PAGR1: variants seen among roughly 807,000 people sequenced by gnomAD.
PAGR1 encodes the protein PAXIP1 associated glutamate rich protein 1.
In PAGR1, 20 loss-of-function variants were observed where a neutral mutation model predicts 22.4. The observed-to-expected ratio is 0.89, with a 90% CI of 0.63 to 1.30. The LOEUF (loss-of-function observed/expected upper bound fraction) is 1.30. PAGR1 is among the 50% of genes most tolerant of loss of function. The probability of loss-of-function intolerance (pLI) is 0.00; values close to 1 mark genes in which losing one functional copy is unlikely to be tolerated. For synonymous variants in PAGR1, 161 were observed against 148.3 expected, an observed-to-expected ratio of 1.09 and a Z score of -0.62; for missense variants, 338 against 343.6, an observed-to-expected ratio of 0.98 and a Z score of 0.13.
rs2067358161 is a variant in PAGR1 at position 29,821,345 on chromosome 16, G to A, written c.*1591G>A. ...CACAGAGCACTGGGTCGGCCCTCGG[G>A]TGTGGCTGTTTGGGCAGGACAGCCC... On this transcript the variant is annotated 3_prime_UTR_variant, in exon 3 of 3. Coordinates refer to ENST00000320330, the MANE Select transcript of PAGR1 (RefSeq NM_024516.4). 1 of 152,246 alleles carries A rather than the reference G, an allele frequency of 6.6e-6. No individual in the cohort carries two copies. The highest frequency in any genetic ancestry group is 2.4e-5 in the African/African-American group (1 of 41,434). 9.4% of individuals were successfully genotyped at this position (152,246 alleles called of 1,614,324 possible).
At position 29,817,055 on chromosome 16, in the gene PAGR1, C is replaced by T. The variant is rs1427385947; in HGVS notation, c.482+48C>T. On this transcript the variant is annotated intron_variant, in intron 1 of 2. Transcript: ENST00000320330. ...TGTCCCGGGGCTGCTCCCCTGATGG[C>T]GGGAGGAAATAGGGAGGGGAAAATG... 6 of 1,552,154 alleles carry T rather than the reference C, an allele frequency of 3.9e-6. No homozygotes were observed. The Admixed American group carries it at 1.2e-4, about 30-fold the overall frequency.
chr16:29,817,046 C>T (rs765552694), intron 1 of PAGR1, 39 bp downstream of exon 1: 1 of 1,554,252 alleles, frequency 6.4e-7, no homozygotes, highest in South Asian at 1.2e-5. Context: ...GGGGCTGCTC[C>T]CCTGATGGCG....
rs1900248965 is a variant in PAGR1 at position 29,816,462 on chromosome 16, C to A, written c.-64C>A. On this transcript the variant is annotated 5_prime_UTR_variant, in exon 1 of 3. Coordinates refer to ENST00000320330, the MANE Select transcript of PAGR1 (RefSeq NM_024516.4). ...TCCCGAACCCCCAGGGGAGCCCGATCCCTGGGGGACCCTGGCTTCGGACTC... is the reference window on the plus strand; with the variant it reads ...TCCCGAACCCCCAGGGGAGCCCGATACCTGGGGGACCCTGGCTTCGGACTC... 2 of 1,387,912 alleles carry A rather than the reference C, an allele frequency of 1.4e-6. No homozygotes were observed. Among genetic ancestry groups the A allele is most frequent in the Non-Finnish European group, 1.9e-6 (2 of 1,064,948 alleles). 86.0% of individuals were successfully genotyped at this position (1,387,912 alleles called of 1,614,324 possible). A position where few individuals can be genotyped will look rare whatever the true frequency, so the allele number is the denominator to read the frequency against.
Position 29,816,419 on chromosome 16 carries a change from G to A in PAGR1, c.-107G>A, listed in dbSNP as rs968100330. ...TGGCCGCGGAGTCCCCTGCGGGAGC[G>A]TGATTGGCTGGAAACGGTCCCGAAC... On this transcript the variant is annotated 5_prime_UTR_variant, in exon 1 of 3. The change creates a new upstream start codon in the 5' untranslated region. Transcript: ENST00000320330. 1 of 1,177,396 alleles carries A rather than the reference G, an allele frequency of 8.5e-7. No individual in the cohort carries two copies. The highest frequency in any genetic ancestry group is 1.1e-6 in the Non-Finnish European group (1 of 908,368). 72.9% of individuals were successfully genotyped at this position (1,177,396 alleles called of 1,614,324 possible). A position where few individuals can be genotyped will look rare whatever the true frequency, so the allele number is the denominator to read the frequency against.
Position 29,817,122 on chromosome 16 carries a change from C to CG in PAGR1, c.483-83dup, listed in dbSNP as rs1404692150. 1.9e-6 allele frequency: 3 copies of CG among 1,593,540 alleles called. No individual in the cohort carries two copies. In the African/African-American group the frequency reaches 4.0e-5, roughly 21 times the overall value. Reference sequence around the variant, plus strand: ...TTGAAAGTGGAGGGAGGGAAGCCAGCGGGGGAGGAGGAACGGGCAGGGGAG... The same window carrying CG: ...TTGAAAGTGGAGGGAGGGAAGCCAGCGGGGGGAGGAGGAACGGGCAGGGGAG... On this transcript the variant is annotated intron_variant, in intron 1 of 2. Transcript: ENST00000320330.
At chr16:29,817,088 C>G in intron 1 of PAGR1, 81 bp downstream of exon 1, 2 of 1,566,370 alleles carry the variant, frequency 1.3e-6, no homozygotes, top group East Asian at 2.4e-5. Flanking sequence ...ATGTGGGACG[C>G]TGGAACCTTT....
intron 2 of PAGR1, among the ~76,000 whole-genome samples, chr16:29,817,674 A>T (rs56385010): frequency 0.033 from 5,018 of 151,856 alleles, 251 homozygotes; most frequent in African/African-American, 0.11. Flanking sequence ...GGCTTTCACC[A>T]TGTTGGCCAG....
At position 29,821,944 on chromosome 16, in the gene PAGR1, G is replaced by A. The variant is rs1016657986; in HGVS notation, c.*2190G>A. On this transcript the variant is annotated 3_prime_UTR_variant, in exon 3 of 3. Coordinates refer to ENST00000320330, the MANE Select transcript of PAGR1 (RefSeq NM_024516.4). Reference sequence around the variant, plus strand: ...AGTGGGGTTAAGAATTCCAGCCTAGGGCTGGATGCGGTGGCTCAGGCCTGT... The same window carrying A: ...AGTGGGGTTAAGAATTCCAGCCTAGAGCTGGATGCGGTGGCTCAGGCCTGT... Among the ~76,000 whole-genome samples the A allele has an allele frequency of 6.6e-6, 1 of 152,132 alleles. No homozygotes were observed. The highest frequency in any genetic ancestry group is 1.5e-5 in the Non-Finnish European group (1 of 68,010).
At position 29,819,538 on chromosome 16, in the gene PAGR1, A is replaced by G; in HGVS notation, c.566-17A>G. ...CACCTCCATCCCTTCCATGTATCTT[A>G]CCTTCCTCTTCTCCAGGAAGCTCAG... is the stretch of plus-strand genomic sequence containing the variant. On this transcript the variant is annotated splice_polypyrimidine_tract_variant and intron_variant, in intron 2 of 2. Transcript: ENST00000320330. 1 of 1,613,596 alleles carries G rather than the reference A, an allele frequency of 6.2e-7. No homozygotes were observed. The highest frequency in any genetic ancestry group is 1.7e-4 in the Middle Eastern group (1 of 6,050).
At chr16:29,817,509 T>C (rs1900276002) in intron 2 of PAGR1, among the ~76,000 whole-genome samples, 2 of 148,568 alleles carry the variant, frequency 1.3e-5, no homozygotes, top group Admixed American at 6.7e-5. Flanking sequence ...GTCTTGCCCT[T>C]GTCCCCCAGG....
Position 29,816,543 on chromosome 16 carries a change from C to T in PAGR1, c.18C>T (p.Gly6=). 3 of 1,510,470 alleles carry T rather than the reference C, an allele frequency of 2.0e-6. No individual in the cohort carries two copies. The highest frequency in any genetic ancestry group is 2.7e-6 in the Non-Finnish European group (3 of 1,131,642). 93.6% of individuals were successfully genotyped at this position (1,510,470 alleles called of 1,614,324 possible). A position where few individuals can be genotyped will look rare whatever the true frequency, so the allele number is the denominator to read the frequency against. The change falls in exon 1 of 3, where the codon GGC becomes GGT. Residue 6 remains glycine (G), a synonymous_variant. Coordinates refer to ENST00000320330, the MANE Select transcript of PAGR1 (RefSeq NM_024516.4). ...AGTGGCCTATGTCCCTTGCTCGGGG[C>T]CATGGAGACACTGCGGCCAGTACGG... MSLAR[G]HGDTAASTAA...
chr16:29,818,635 C>T (rs1900294992), intron 2 of PAGR1: 1 of 152,190 alleles, frequency 6.6e-6, no homozygotes, highest in Non-Finnish European at 1.5e-5. Context: ...GATCTTGGCT[C>T]ACTGCAATCT....
Position 29,817,278 on chromosome 16 carries a change from G to A in PAGR1, c.551G>A (p.Arg184Gln). 1 of 1,613,946 alleles carries A rather than the reference G, an allele frequency of 6.2e-7. No individual in the cohort carries two copies. The highest frequency in any genetic ancestry group is 8.5e-7 in the Non-Finnish European group (1 of 1,179,952). ...PVTPKDSLID[R>Q]RRTPGSSARS... The stretch of plus-strand genomic sequence containing the variant: ...ACACCAAAGGACTCCCTGATTGACC[G>A]GAGACGCACCCCAGGTACAAACGAA... Residue 184 changes from arginine (R) to glutamine (Q), a missense_variant, in exon 2 of 3, where the codon CGG becomes CAG. Physicochemically the swap from Arg to Gln is conservative, Grantham distance 43 (BLOSUM62 1). Coordinates refer to ENST00000320330, the MANE Select transcript of PAGR1 (RefSeq NM_024516.4).
Position 29,820,659 on chromosome 16 carries a change from T to C in PAGR1, c.*905T>C, listed in dbSNP as rs1192884158. On this transcript the variant is annotated 3_prime_UTR_variant, in exon 3 of 3. Transcript: ENST00000320330. ...TCTGAATCAGAGTGGGGAAGGAGGA[T>C]GGGTGGTGGCTTTGCTTTTGGAGGT... The C allele has an allele frequency of 6.6e-6, 1 of 152,336 alleles. No homozygotes were observed. The highest frequency in any genetic ancestry group is 1.5e-5 in the Non-Finnish European group (1 of 68,160). The allele number at this position is 152,336 out of a possible 1,614,324, so 9.4% of individuals were successfully genotyped here.
chr16:29,817,380 G>C (rs1359261802), intron 2 of PAGR1, 88 bp downstream of exon 2: 2 of 1,265,804 alleles, frequency 1.6e-6, no homozygotes, highest in East Asian at 5.0e-5. Flanking sequence ...TTTGCTTGCT[G>C]CCTCAGCTCC....
rs778398648 is a variant in PAGR1, at chr16:29,819,700, C to G, written c.711C>G (p.Ser237Arg). ...ACTCGGAGGACCCCAGCCCCGCCAGCCCCCCACTCCGATCCTCCGGGAGTA... is the reference window on the plus strand; with the variant it reads ...ACTCGGAGGACCCCAGCCCCGCCAGGCCCCCACTCCGATCCTCCGGGAGTA... The part of the protein sequence containing the change: ...SLDSEDPSPA[S>R]PPLRSSGSSL... The change falls in exon 3 of 3, where the codon AGC becomes AGG. Residue 237 changes from serine (S) to arginine (R), a missense_variant. Physicochemically the swap from Ser to Arg is moderately radical, Grantham distance 110. Around this residue, in one of 3 missense-constraint regions of PAGR1, gnomAD observed 52 missense variants for 44.5 expected, o/e 1.17. Coordinates refer to ENST00000320330, the MANE Select transcript of PAGR1 (RefSeq NM_024516.4). 4 of 1,613,758 alleles carry G rather than the reference C, an allele frequency of 2.5e-6. No homozygotes were observed. The Admixed American group carries it at 6.7e-5, about 27-fold the overall frequency.
chr16:29,819,602 C>T lies in PAGR1; in HGVS notation c.613C>T (p.Leu205=), dbSNP rs1356798064. ...QKREARLDKV[L]SDMKRHKKLE... is the part of the protein sequence containing the mutation. ...ACGGGAGGCCCGCCTGGACAAGGTG[C>T]TGTCGGACATGAAGAGACACAAGAA... is the stretch of plus-strand genomic sequence containing the variant. Residue 205 remains leucine (L), a synonymous_variant, in exon 3 of 3, where the codon CTG becomes TTG. Transcript: ENST00000320330. 1 of 1,614,180 alleles carries T rather than the reference C, an allele frequency of 6.2e-7. No individual in the cohort carries two copies. Among genetic ancestry groups the T allele is most frequent in the Non-Finnish European group, 8.5e-7 (1 of 1,180,038 alleles).
In PAGR1 at chr16:29,819,718, C is replaced by T. The variant is rs780323467; in HGVS notation, c.729C>T (p.Ser243=). The T allele has an allele frequency of 4.3e-6, 7 of 1,613,284 alleles. No individual in the cohort carries two copies. Among genetic ancestry groups the T allele is most frequent in the Admixed American group, 3.3e-5 (2 of 59,994 alleles). The change falls in exon 3 of 3, where the codon TCC becomes TCT. Residue 243 remains serine, a synonymous_variant. Coordinates refer to ENST00000320330, the MANE Select transcript of PAGR1 (RefSeq NM_024516.4). The part of the protein sequence containing the change: ...PSPASPPLRS[S]GSSLFPRQRK... Reference sequence around the variant, plus strand: ...CCGCCAGCCCCCCACTCCGATCCTCCGGGAGTAGTCTCTTCCCTCGGCAGC... The same window carrying T: ...CCGCCAGCCCCCCACTCCGATCCTCTGGGAGTAGTCTCTTCCCTCGGCAGC...
intron 2 of PAGR1, 78 bp downstream of exon 2, chr16:29,817,370 TTTGC>T (rs1900271970): frequency 1.4e-6 from 2 of 1,394,024 alleles, no homozygotes; most frequent in Non-Finnish European, 2.0e-6. Flanking sequence ...CCTAGAGGCC[TTTGC>T]TTGCTGCCTC....
Sources: allele counts gnomAD v4.1 joint callset (sites outside exome capture counted in the v4.1 genomes callset), GRCh38; gene constraint gnomAD v4.1.1; regional missense constraint gnomAD v4.1.1; transcripts MANE v1.5; gene names NCBI Gene and HGNC (gene_info 2026-07-23, HGNC 2026-07-21).